The following CDYL variants were observed in gnomAD, a reference collection of about 807,000 sequenced individuals.
CDYL encodes chromodomain Y like.
A neutral mutation model predicts 47.3 loss-of-function variants in CDYL; 8 were observed. The observed-to-expected ratio is 0.17, with a 90% CI of 0.10 to 0.31. CDYL has a LOEUF of 0.31. Among genes scored for constraint, CDYL ranks in the 10% least tolerant of loss-of-function variants. The probability of loss-of-function intolerance (pLI) is 1.00; values close to 1 mark genes in which losing one functional copy is unlikely to be tolerated. For missense variants in CDYL, 471 were observed against 701.4 expected (o/e 0.67, Z 3.71); for synonymous variants, 266 against 265.0 (o/e 1.00, Z -0.04).
chr6:4,787,033 T>C (rs1758773294), intron 1 of CDYL, among the ~76,000 whole-genome samples: 1 of 152,190 alleles, frequency 6.6e-6, no homozygotes, highest in South Asian at 2.1e-4. Flanking sequence ...TTGTGTTACC[T>C]GGCTTTTCAT....
chr6:4,821,922 C>T (rs57484544), intron 1 of CDYL, among the ~76,000 whole-genome samples: 28 of 152,034 alleles, frequency 1.8e-4, no homozygotes, highest in African/African-American at 5.1e-4. Context: ...GTTGCAATAA[C>T]GTATGTACCA....
At chr6:4,786,346 C>T (rs373942671) in intron 1 of CDYL, among the ~76,000 whole-genome samples, 1 of 152,146 alleles carries the variant, frequency 6.6e-6, no homozygotes, top group South Asian at 2.1e-4. Flanking sequence ...TTTCAGGAAG[C>T]TGAGCTGTGG....
chr6:4,785,305 G>A (rs1296465242), intron 1 of CDYL, among the ~76,000 whole-genome samples: 2 of 152,184 alleles, frequency 1.3e-5, no homozygotes, highest in Admixed American at 6.5e-5. Flanking sequence ...ACGTGTGACC[G>A]TATAGTATAC....
rs1408812641 is a variant in CDYL, at chr6:4,723,226, C to T, written c.103+7345C>T. ...TGGCAGTAGATATTAAGAAATTTAGCGATGATTTAGAGTACACAGGAGGAT... is the reference window on the plus strand; with the variant it reads ...TGGCAGTAGATATTAAGAAATTTAGTGATGATTTAGAGTACACAGGAGGAT... On this transcript the variant is annotated intron_variant, in intron 2 of 8. Coordinates refer to the CDYL transcript ENST00000328908. 4.6e-5 allele frequency among the ~76,000 whole-genome samples: 7 copies of T among 152,140 alleles called. No homozygotes were observed. In the East Asian group the frequency reaches 1.2e-3, roughly 25 times the overall value.
chr6:4,941,974 G>A (rs1300138807), intron 4 of CDYL, among the ~76,000 whole-genome samples: 1 of 152,096 alleles, frequency 6.6e-6, no homozygotes, highest in Non-Finnish European at 1.5e-5. Flanking sequence ...CAGTTACTGG[G>A]CCTAGGAAAT....
chr6:4,735,079 G>A (rs1388952276), intron 3 of CDYL, among the ~76,000 whole-genome samples: 1 of 152,128 alleles, frequency 6.6e-6, no homozygotes, highest in East Asian at 1.9e-4. Context: ...CTGAGGTCGG[G>A]AGTTCAAGAC....
At chr6:4,865,615 T>C (rs1761299254) in intron 1 of CDYL, among the ~76,000 whole-genome samples, 1 of 152,238 alleles carries the variant, frequency 6.6e-6, no homozygotes, top group Non-Finnish European at 1.5e-5. Flanking sequence ...AATGTGTTTG[T>C]AATCCGAATA....
At chr6:4,905,487 A>G (rs1319706474) in intron 2 of CDYL, among the ~76,000 whole-genome samples, 1 of 152,206 alleles carries the variant, frequency 6.6e-6, no homozygotes, top group African/African-American at 2.4e-5. Context: ...CTGAAGTGGC[A>G]TGCTTAATTC....
chr6:4,790,462 T>C (rs956213914), intron 1 of CDYL, among the ~76,000 whole-genome samples: 7 of 152,222 alleles, frequency 4.6e-5, no homozygotes, highest in Non-Finnish European at 1.0e-4. Context: ...TTTCTTGGTA[T>C]GAGGACTAGA....
chr6:4,734,947 G>C, intron 3 of CDYL: 1 of 1,513,668 alleles, frequency 6.6e-7, no homozygotes, highest in Non-Finnish European at 8.8e-7. Context: ...CATCTGTCCT[G>C]TGCTTGGGTC....
At chr6:4,762,928 CTA>C (rs1445191076) in intron 3 of CDYL, among the ~76,000 whole-genome samples, 2 of 152,036 alleles carry the variant, frequency 1.3e-5, no homozygotes, top group Non-Finnish European at 2.9e-5. Context: ...TTCAAAGACT[CTA>C]TAAATCCTAG....
chr6:4,732,951 G>A (rs969646838), intron 2 of CDYL, among the ~76,000 whole-genome samples: 15 of 152,066 alleles, frequency 9.9e-5, no homozygotes, highest in African/African-American at 2.7e-4. Context: ...AAGCTACTTC[G>A]GATCCTCCAA....
In CDYL at chr6:4,891,749, G is replaced by A. The variant is rs1156650190; in HGVS notation, c.61G>A (p.Gly21Arg). The A allele has an allele frequency of 1.9e-6, 3 of 1,613,988 alleles. No homozygotes were observed. The highest frequency in any genetic ancestry group is 2.5e-6 in the Non-Finnish European group (3 of 1,179,970). The change falls in exon 2 of 7, where the codon GGG becomes AGG. Residue 21 changes from glycine to arginine, a missense_variant. Coordinates refer to ENST00000397588, the MANE Select transcript of CDYL (RefSeq NM_004824.4). ...RIVDKRKNKKGKTEYLVRWKG... is the reference protein window; with the variant it reads ...RIVDKRKNKKRKTEYLVRWKG... Reference sequence around the variant, plus strand: ...TGTTGACAAAAGGAAAAATAAAAAAGGGAAGACAGAGTATTTGGTTCGGTG... The same window carrying A: ...TGTTGACAAAAGGAAAAATAAAAAAAGGAAGACAGAGTATTTGGTTCGGTG...
intron 1 of CDYL, chr6:4,890,044 C>T (rs768954181): frequency 4.6e-5 from 45 of 985,336 alleles, no homozygotes; most frequent in Non-Finnish European, 4.9e-5. Context: ...GCTCCTGCCT[C>T]GGCTCTAAGG....
At chr6:4,781,592 A>G (rs1243529384) in intron 1 of CDYL, among the ~76,000 whole-genome samples, 1 of 152,184 alleles carries the variant, frequency 6.6e-6, no homozygotes, top group East Asian at 1.9e-4. Context: ...AGCAGTGTGG[A>G]GACCTCTCAT....
Position 4,955,353 on chromosome 6 carries a change from A to G in CDYL, c.*1297A>G, listed in dbSNP as rs1758837276. 6.6e-6 allele frequency: 1 copy of G among 152,632 alleles called. No homozygotes were observed. Among genetic ancestry groups the G allele is most frequent in the South Asian group, 2.1e-4 (1 of 4,828 alleles). The allele number at this position is 152,632 out of a possible 1,614,324, so 9.5% of individuals were successfully genotyped here. On this transcript the variant is annotated 3_prime_UTR_variant, in exon 7 of 7. Coordinates refer to ENST00000397588, the MANE Select transcript of CDYL (RefSeq NM_004824.4). Reference sequence around the variant, plus strand: ...CTTAGAACTGACCACCTCCCCGGCCACGCGGAGAGCTGTACAGTGTGTAAA... The same window carrying G: ...CTTAGAACTGACCACCTCCCCGGCCGCGCGGAGAGCTGTACAGTGTGTAAA...
chr6:4,891,523 C>T (rs1561689621), intron 1 of CDYL, among the ~76,000 whole-genome samples, 190 bp from the exon 2 acceptor site: 1 of 152,196 alleles, frequency 6.6e-6, no homozygotes, highest in Admixed American at 6.5e-5. Context: ...AATTTAGCAT[C>T]TTGTTTGACT....
At chr6:4,876,036 A>G (rs1761612144) in intron 1 of CDYL, among the ~76,000 whole-genome samples, 1 of 152,214 alleles carries the variant, frequency 6.6e-6, no homozygotes, top group East Asian at 1.9e-4. Context: ...AAATGCATAT[A>G]CCTGGGTAAC....
At chr6:4,712,600 CCT>C (rs1757171817) in intron 1 of CDYL, among the ~76,000 whole-genome samples, 1 of 152,222 alleles carries the variant, frequency 6.6e-6, no homozygotes, top group Non-Finnish European at 1.5e-5. Flanking sequence ...ACTCTCATGC[CCT>C]GTGTCTTTCC....
Sources: gnomAD v4.1 joint callset for allele counts (sites outside exome capture counted in the v4.1 genomes callset) on GRCh38, gnomAD v4.1.1 for gene constraint, MANE v1.5 for transcripts, NCBI Gene and HGNC (gene_info 2026-07-23, HGNC 2026-07-21) for gene names.